Variants in PARD3B observed in about 807,000 individuals in gnomAD.
PARD3B encodes the protein par-3 family cell polarity regulator beta, also known as partitioning defective 3 homolog B.
PARD3B carries 103 observed loss-of-function variants against 130.2 expected under a neutral mutation model. That is an observed-to-expected ratio of 0.79 (90% CI 0.67 to 0.93). The LOEUF (loss-of-function observed/expected upper bound fraction) is 0.93, where lower values mean the gene tolerates loss of function less well. Ranked by LOEUF, PARD3B falls within the 40% of genes least tolerant of loss-of-function variation. The probability of loss-of-function intolerance (pLI) is 0.00; values close to 1 mark genes in which losing one functional copy is unlikely to be tolerated. For synonymous variants in PARD3B, 583 were observed against 553.2 expected (o/e 1.05, Z -0.76); for missense variants, 1,609 against 1,499.2 (o/e 1.07, Z -1.21).
Position 205,563,305 on chromosome 2 carries a change from G to A in PARD3B, c.3260+9902G>A, listed in dbSNP as rs534855795. On this transcript the variant is annotated intron_variant, in intron 22 of 22. Coordinates refer to ENST00000406610, the MANE Select transcript of PARD3B (RefSeq NM_001302769.2). This position sits in a 1 kb window ranked among gnomAD's most constrained non-coding sequence, Gnocchi z 4.2. ...TATTGCGTGCCTTCTATGTCTGTAC[G>A]TTTTGCATGCCTTGTCTCATTTTAT... 3.9e-5 allele frequency among the ~76,000 whole-genome samples: 6 copies of A among 152,196 alleles called. No individual in the cohort carries two copies. Among genetic ancestry groups the A allele is most frequent in the South Asian group, 2.1e-4 (1 of 4,826 alleles).
At chr2:204,828,676 T>C (rs571106115) in intron 2 of PARD3B, among the ~76,000 whole-genome samples, 1 of 152,352 alleles carries the variant, frequency 6.6e-6, no homozygotes, top group South Asian at 2.1e-4. Context: ...TATATCCTGA[T>C]TTTTAATTTA....
intron 4 of PARD3B, among the ~76,000 whole-genome samples, chr2:205,087,079 A>G (rs911225753): frequency 3.3e-5 from 5 of 152,170 alleles, no homozygotes; most frequent in Non-Finnish European, 7.3e-5. Context: ...TTAATTAAGC[A>G]TTTTTATTTT....
chr2:205,237,808 C>A (rs2039136931), intron 15 of PARD3B, among the ~76,000 whole-genome samples: 1 of 152,166 alleles, frequency 6.6e-6, no homozygotes, highest in South Asian at 2.1e-4. Flanking sequence ...TTCTAAAGTT[C>A]ATTACTCAAA....
rs1377345080 is a variant in PARD3B, at chr2:205,125,033, C to A, written c.1305+567C>A. Reference sequence around the variant, plus strand: ...ATCGTCTTGATAATTATATATTGTCCATTTACCTTTGAAGCAAACATCTTC... The same window carrying A: ...ATCGTCTTGATAATTATATATTGTCAATTTACCTTTGAAGCAAACATCTTC... On this transcript the variant is annotated intron_variant, in intron 9 of 22. Transcript: ENST00000406610. This position sits in a 1 kb window ranked among gnomAD's most constrained non-coding sequence, Gnocchi z 4.0. Among the ~76,000 whole-genome samples the A allele has an allele frequency of 6.6e-6, 1 of 152,064 alleles. No individual in the cohort carries two copies. The highest frequency in any genetic ancestry group is 1.5e-5 in the Non-Finnish European group (1 of 68,012).
intron 1 of PARD3B, among the ~76,000 whole-genome samples, chr2:204,553,994 C>G (rs1420020930): frequency 6.6e-6 from 1 of 151,852 alleles, no homozygotes; most frequent in Non-Finnish European, 1.5e-5. Context: ...CACTAAAGAA[C>G]TTAGTCATGT....
In PARD3B at chr2:204,658,357, C is replaced by T. The variant is rs542393881; in HGVS notation, c.121-27824C>T. On this transcript the variant is annotated intron_variant, in intron 1 of 22. Coordinates refer to ENST00000406610, the MANE Select transcript of PARD3B (RefSeq NM_001302769.2). ...TGTGTTCTTATAGATATAAACTTTT[C>T]ACCTTATTGGATTCTTCAGCTTAAA... Among the ~76,000 whole-genome samples the T allele has an allele frequency of 3.3e-5, 5 of 152,100 alleles. No individual in the cohort carries two copies. The South Asian group carries it at 1.0e-3, about 32-fold the overall frequency.
intron 15 of PARD3B, among the ~76,000 whole-genome samples, chr2:205,204,459 T>A (rs1195536351): frequency 6.6e-6 from 1 of 152,218 alleles, no homozygotes; most frequent in South Asian, 2.1e-4. Flanking sequence ...TTTAATTAGA[T>A]CCCATTTGTC....
At chr2:205,200,090 A>G (rs1370419065) in intron 15 of PARD3B, among the ~76,000 whole-genome samples, 2 of 152,110 alleles carry the variant, frequency 1.3e-5, no homozygotes, top group Non-Finnish European at 2.9e-5. Context: ...TGTTTTACAT[A>G]TAGGTTATGT....
At chr2:205,169,932 T>C (rs991507052) in intron 11 of PARD3B, among the ~76,000 whole-genome samples, 16 of 55,748 alleles carry the variant, frequency 2.9e-4, no homozygotes, top group African/African-American at 1.1e-3. Context: ...CCCCCCACCC[T>C]TTTTTTTTTT....
chr2:205,270,017 A>G (rs1411292369), intron 16 of PARD3B, among the ~76,000 whole-genome samples: 1 of 152,192 alleles, frequency 6.6e-6, no homozygotes, highest in Non-Finnish European at 1.5e-5. Context: ...TTTGTAACAC[A>G]AAGGATAAAT....
chr2:205,596,871 T>A (rs1234441810), intron 22 of PARD3B, among the ~76,000 whole-genome samples: 1 of 151,988 alleles, frequency 6.6e-6, no homozygotes, highest in Non-Finnish European at 1.5e-5. Flanking sequence ...GGGAAGCCCT[T>A]TTCACAGGAA....
chr2:205,032,310 G>C (rs1697484672), intron 3 of PARD3B, among the ~76,000 whole-genome samples: 1 of 152,116 alleles, frequency 6.6e-6, no homozygotes, highest in South Asian at 2.1e-4. Context: ...TGGTCTTCCA[G>C]AGTACTTTCA....
At chr2:205,343,612 C>T (rs1296545358) in intron 18 of PARD3B, among the ~76,000 whole-genome samples, 1 of 152,200 alleles carries the variant, frequency 6.6e-6, no homozygotes, top group African/African-American at 2.4e-5. Flanking sequence ...CTTTCTCTGA[C>T]CATCTGTAAA....
chr2:205,214,913 A>G (rs1169197826), intron 15 of PARD3B, among the ~76,000 whole-genome samples: 1 of 152,132 alleles, frequency 6.6e-6, no homozygotes, highest in African/African-American at 2.4e-5. Context: ...AGATGTTGTT[A>G]TATTGAAAAT....
chr2:205,536,396 T>A (rs1483196611), intron 21 of PARD3B, among the ~76,000 whole-genome samples: 2 of 152,218 alleles, frequency 1.3e-5, no homozygotes, highest in African/African-American at 4.8e-5. Context: ...TTTGCCGCTC[T>A]GTGAATTATG....
chr2:205,021,648 CTCTATATA>C lies in PARD3B; in HGVS notation c.395-25931_395-25924del, dbSNP rs1187242075. ...TCTCTCTTTCTCTCTCTCTCTCTCT[CTCTATATA>C]TATATATATAGTTAATCTTTTCAAT... On this transcript the variant is annotated intron_variant, in intron 3 of 22. Transcript: ENST00000406610. The surrounding 1 kb of genome is among the most constrained non-coding windows in gnomAD (Gnocchi z 4.5). 2.3e-3 allele frequency among the ~76,000 whole-genome samples: 295 copies of C among 128,782 alleles called. No homozygotes were observed. The highest frequency in any genetic ancestry group is 7.1e-3 in the African/African-American group (251 of 35,146). 84.5% of individuals were successfully genotyped at this position (128,782 alleles called of 152,430 possible).
At chr2:204,562,918 A>T (rs1289807035) in intron 1 of PARD3B, among the ~76,000 whole-genome samples, 2 of 151,932 alleles carry the variant, frequency 1.3e-5, no homozygotes, top group South Asian at 2.1e-4. Flanking sequence ...AGGAAGGGCC[A>T]CTTGGGAAAT....
chr2:204,970,389 C>A (rs897759258), intron 3 of PARD3B, among the ~76,000 whole-genome samples: 49 of 152,174 alleles, frequency 3.2e-4, no homozygotes, highest in African/African-American at 1.1e-3. Flanking sequence ...CACATTCTAG[C>A]AAAGTAAAAA....
intron 2 of PARD3B, among the ~76,000 whole-genome samples, chr2:204,737,347 T>A (rs2039804385): frequency 6.6e-6 from 1 of 152,202 alleles, no homozygotes; most frequent in South Asian, 2.1e-4. Flanking sequence ...TGGTTAGTGA[T>A]GTTGAGCATT....
Sources: gnomAD v4.1 joint callset for allele counts (sites outside exome capture counted in the v4.1 genomes callset) on GRCh38, gnomAD v4.1.1 for gene constraint, Gnocchi (gnomAD v3.1) non-coding constraint, MANE v1.5 for transcripts, NCBI Gene and HGNC (gene_info 2026-07-23, HGNC 2026-07-21) for gene names.